SYN1: variants seen among roughly 807,000 people sequenced by gnomAD.
The protein encoded by SYN1 is synapsin I.
A neutral mutation model predicts 44.6 loss-of-function variants in SYN1; 8 were observed. That is an observed-to-expected ratio of 0.18 (90% CI 0.11 to 0.32). SYN1 has a LOEUF of 0.32. Ranked by LOEUF, SYN1 falls within the 10% of genes least tolerant of loss-of-function variation. The pLI is 1.00. For missense variants in SYN1, 451 were observed against 639.4 expected (o/e 0.71, Z 3.18); for synonymous variants, 275 against 280.1 (o/e 0.98, Z 0.18).
At chrX:47,576,699 G>A in intron 6 of SYN1, 59 bp from the exon 7 acceptor site, 1 of 1,187,261 alleles carries the variant, frequency 8.4e-7, no homozygotes, top group South Asian at 1.8e-5. Flanking sequence ...GTGGGGAGTG[G>A]GGGTGCCTGG....
Position 47,572,552 on chromosome X carries a change from A to C in SYN1, c.*312T>G. The C allele has an allele frequency of 4.0e-6, 1 of 252,570 alleles. No homozygotes were observed. Among genetic ancestry groups the C allele is most frequent in the Non-Finnish European group, 7.2e-6 (1 of 139,477 alleles). 20.8% of individuals were successfully genotyped at this position (252,570 alleles called of 1,213,427 possible). On this transcript the variant is annotated 3_prime_UTR_variant, in exon 13 of 13. Transcript: ENST00000295987. ...GCCTGGTATTTGGGCACTTCCAGGA[A>C]GGAAAACGCCCTCTGGGGAAACCAG...
intron 5 of SYN1, chrX:47,585,264 C>T (rs1043428): frequency 0.017 from 20,785 of 1,208,079 alleles, 160 homozygotes; most frequent in Middle Eastern, 0.023. Context: ...TCTACACCCC[C>T]GCCATGGAGA....
intron 5 of SYN1, chrX:47,584,871 AT>A: frequency 1.0e-6 from 1 of 956,328 alleles, no homozygotes; most frequent in Non-Finnish European, 1.5e-6. Context: ...GATGATGATG[AT>A]GATGATCTTA....
chrX:47,601,597 A>G (rs764866334), intron 5 of SYN1, among the ~76,000 whole-genome samples: 101 of 111,972 alleles, frequency 9.0e-4, no homozygotes, highest in African/African-American at 3.1e-3. Context: ...TCTCAAAAAA[A>G]GAAAAAAAAT....
chrX:47,614,144 A>G (rs1008523252), intron 1 of SYN1, among the ~76,000 whole-genome samples: 9 of 111,887 alleles, frequency 8.0e-5, no homozygotes, highest in Admixed American at 5.7e-4. Flanking sequence ...CATAAAAAGG[A>G]GCCATTGTCT....
intron 3 of SYN1, among the ~76,000 whole-genome samples, chrX:47,606,097 T>C (rs1226645300): frequency 9.1e-6 from 1 of 110,153 alleles, no homozygotes; most frequent in Non-Finnish European, 1.9e-5. Context: ...TTCACCATGT[T>C]GGCCAGGCTG....
chrX:47,598,223 AT>A (rs34910886), intron 5 of SYN1, among the ~76,000 whole-genome samples: 1,160 of 112,489 alleles, frequency 0.01, 17 homozygotes, highest in African/African-American at 0.035. Context: ...AACTATGTTC[AT>A]GGGCACACAA....
At chrX:47,582,135 A>G (rs908732049) in intron 5 of SYN1, among the ~76,000 whole-genome samples, 1 of 112,370 alleles carries the variant, frequency 8.9e-6, no homozygotes, top group Non-Finnish European at 1.9e-5. Context: ...TGGAGACTTT[A>G]GGGGACTGGG....
chrX:47,576,902 G>A (rs1367856636), intron 6 of SYN1, among the ~76,000 whole-genome samples: 1 of 111,859 alleles, frequency 8.9e-6, no homozygotes, highest in Non-Finnish European at 1.9e-5. Context: ...GAGTTGTAGG[G>A]TGTGTGAACT....
At chrX:47,611,418 C>T (rs754772860) in intron 1 of SYN1, among the ~76,000 whole-genome samples, 5 of 111,778 alleles carry the variant, frequency 4.5e-5, no homozygotes, top group African/African-American at 1.3e-4. Flanking sequence ...GTTATACCTG[C>T]CATACTGGAC....
chrX:47,582,606 G>C (rs761689733), intron 5 of SYN1: 1 of 365,315 alleles, frequency 2.7e-6, no homozygotes, highest in South Asian at 2.5e-5. Flanking sequence ...AGGACCCTGG[G>C]CTAGTCTAGG....
Position 47,619,588 on chromosome X carries a change from C to T in SYN1, c.141G>A (p.Gly47=). The T allele has an allele frequency of 8.6e-7, 1 of 1,161,923 alleles. No homozygotes were observed. The highest frequency in any genetic ancestry group is 1.1e-6 in the Non-Finnish European group (1 of 869,928). ...AHSPGATPGP[G]TATAERSSGV... ...CGGAGGACCTCTCGGCAGTGGCGGT[C>T]CCGGGACCGGGCGTGGCTCCGGGGC... The change falls in exon 1 of 13, where the codon GGG becomes GGA. Residue 47 remains glycine, a synonymous_variant. Transcript: ENST00000295987.
chrX:47,608,873 A>T (rs1440070694), intron 1 of SYN1, among the ~76,000 whole-genome samples: 1 of 95,507 alleles, frequency 1.0e-5, no homozygotes, highest in Non-Finnish European at 2.1e-5. Flanking sequence ...ACATACAATC[A>T]GGGTCTTGGA....
At chrX:47,608,291 G>GAGAA (rs754915221) in intron 1 of SYN1, among the ~76,000 whole-genome samples, 1 of 28,164 alleles carries the variant, frequency 3.6e-5, no homozygotes, top group East Asian at 1.2e-3. Flanking sequence ...AGGAAGGAAG[G>GAGAA]GGAAGGAAGG....
rs1452219127 is a variant in SYN1 at position 47,576,503 on chromosome X, G to C, written c.975C>G (p.Ala325=). The C allele has an allele frequency of 8.2e-7, 1 of 1,212,151 alleles. No individual in the cohort carries two copies. Among genetic ancestry groups the C allele is most frequent in the South Asian group, 1.8e-5 (1 of 57,036 alleles). Residue 325 remains alanine, a synonymous_variant, in exon 7 of 13, where the codon GCC becomes GCG. Transcript: ENST00000295987. The part of the protein sequence containing the change: ...RVQKIGQNYK[A]YMRTSVSGNW... ...GCTTTGGTCTCTCCACTCACATGTA[G>C]GCCTTGTAGTTCTGCCCAATCTTCT...
intron 5 of SYN1, chrX:47,585,195 C>A (rs1324594832): frequency 2.6e-6 from 3 of 1,174,586 alleles, no homozygotes; most frequent in Middle Eastern, 4.8e-4. Flanking sequence ...TTCCCCTCAT[C>A]CATCAACAGA....
chrX:47,607,141 C>G lies in SYN1; in HGVS notation c.435G>C (p.Gln145His). The change falls in exon 2 of 13, where the codon CAG becomes CAC. Residue 145 changes from glutamine (Q) to histidine (H), a missense_variant and splice_region_variant. Gln to His is a conservative substitution (Grantham distance 24). Coordinates refer to ENST00000295987, the MANE Select transcript of SYN1 (RefSeq NM_006950.3). ...CCCAGGTCCAAATGTCCCAACTTAC[C>G]TGTTCTACTTTAATGTCAATTTCTC... is the stretch of plus-strand genomic sequence containing the variant. The part of the protein sequence containing the change: ...IHGEIDIKVE[Q>H]AEFSDLNLVA... The G allele has an allele frequency of 8.3e-7, 1 of 1,211,347 alleles. No homozygotes were observed. Among genetic ancestry groups the G allele is most frequent in the Non-Finnish European group, 1.1e-6 (1 of 895,211 alleles).
chrX:47,613,242 AGGTAG>A (rs1032559901), intron 1 of SYN1, among the ~76,000 whole-genome samples: 14 of 110,448 alleles, frequency 1.3e-4, no homozygotes, highest in African/African-American at 4.6e-4. Flanking sequence ...CTAGGCAACC[AGGTAG>A]ACAGCATGAG....
At chrX:47,595,571 A>C (rs2057861528) in intron 5 of SYN1, among the ~76,000 whole-genome samples, 1 of 112,214 alleles carries the variant, frequency 8.9e-6, no homozygotes, top group Non-Finnish European at 1.9e-5. Flanking sequence ...TGGTATTGTG[A>C]GAGCAGAAGA....
Sources: gnomAD v4.1 joint callset for allele counts (sites outside exome capture counted in the v4.1 genomes callset) on GRCh38, gnomAD v4.1.1 for gene constraint, MANE v1.5 for transcripts, NCBI Gene and HGNC (gene_info 2026-07-23, HGNC 2026-07-21) for gene names.